IL19: variants seen among roughly 807,000 people sequenced by gnomAD.
The protein encoded by IL19 is interleukin 19.
Under a neutral mutation model 19.5 loss-of-function variants are expected in IL19, and 15 were observed. That is an observed-to-expected ratio of 0.77 (90% CI 0.52 to 1.19). The LOEUF (loss-of-function observed/expected upper bound fraction) is 1.19, where lower values mean the gene tolerates loss of function less well. Among genes scored for constraint, IL19 ranks in the 50% most tolerant of loss-of-function variants. The pLI, the probability that IL19 is intolerant of heterozygous loss-of-function variation, is 0.00. For missense variants in IL19, 199 were observed against 213.1 expected, an observed-to-expected ratio of 0.93 and a Z score of 0.41; for synonymous variants, 78 against 78.3, an observed-to-expected ratio of 1.00 and a Z score of 0.02.
rs567857569 is a variant in IL19, at chr1:206,824,673, C to T, written c.-2-11988C>T. Among the ~76,000 whole-genome samples, 453 of 152,250 alleles carry T rather than the reference C, an allele frequency of 3.0e-3. 1 individual carries two copies. Among genetic ancestry groups the T allele is most frequent in the South Asian group, 5.4e-3 (26 of 4,822 alleles). On this transcript the variant is annotated intron_variant, in intron 2 of 6. Transcript: ENST00000659997. The stretch of plus-strand genomic sequence containing the variant: ...GGAGGAATTATCACCCCCATTTCTC[C>T]GGATGAGGAAACTGAGGCACAGAGA...
At chr1:206,833,703 C>A in intron 2 of IL19, 1 of 985,546 alleles carries the variant, frequency 1.0e-6, no homozygotes, top group Non-Finnish European at 1.2e-6. Flanking sequence ...TTAAACCTCT[C>A]TTCTTTCCAG....
Position 206,836,699 on chromosome 1 carries a change from A to G in IL19, c.37A>G (p.Thr13Ala), listed in dbSNP as rs765338474. Reference sequence around the variant, plus strand: ...GTGTGTTTCCCTTTGGCTCCTGGGTACAATACTGATATTGTGCTCAGTAGA... The same window carrying G: ...GTGTGTTTCCCTTTGGCTCCTGGGTGCAATACTGATATTGTGCTCAGTAGA... ...LQCVSLWLLG[T>A]ILILCSVDNH... Residue 13 changes from threonine to alanine, a missense_variant, in exon 3 of 7, where the codon ACA (threonine) becomes GCA (alanine). By Grantham distance (58) the Thr-to-Ala change is moderately conservative. Coordinates refer to ENST00000659997, the MANE Select transcript of IL19 (RefSeq NM_153758.5). 7 of 1,613,698 alleles carry G rather than the reference A, an allele frequency of 4.3e-6. No individual in the cohort carries two copies.
chr1:206,790,063 T>C (rs1675359131), intron 1 of IL19, among the ~76,000 whole-genome samples: 1 of 152,208 alleles, frequency 6.6e-6, no homozygotes, highest in Non-Finnish European at 1.5e-5. Context: ...AGTAGTGGGA[T>C]TGCAGGATTG....
chr1:206,785,572 G>C (rs192315269), intron 1 of IL19, among the ~76,000 whole-genome samples: 3 of 152,330 alleles, frequency 2.0e-5, no homozygotes, highest in Admixed American at 1.3e-4. Flanking sequence ...CAGAAGGTTA[G>C]CATTTCAATG....
At chr1:206,819,093 G>A (rs898473864) in intron 2 of IL19, among the ~76,000 whole-genome samples, 1 of 151,686 alleles carries the variant, frequency 6.6e-6, no homozygotes, top group African/African-American at 2.4e-5. Context: ...TTACAGGCGT[G>A]AGCCACCACA....
chr1:206,779,843 GCT>G (rs200603022), intron 1 of IL19, among the ~76,000 whole-genome samples: 2 of 147,524 alleles, frequency 1.4e-5, no homozygotes, highest in African/African-American at 2.5e-5. Flanking sequence ...TGATCCGCAT[GCT>G]CTCTCTCTCT....
Position 206,771,215 on chromosome 1 carries a change from C to A in IL19, c.-149+137C>A. 13 of 1,132,538 alleles carry A rather than the reference C, an allele frequency of 1.1e-5. No homozygotes were observed. The South Asian group carries it at 1.6e-4, about 14-fold the overall frequency. 70.2% of individuals were successfully genotyped at this position (1,132,538 alleles called of 1,614,324 possible). The stretch of plus-strand genomic sequence containing the variant: ...GAGCCCTTTGTAAACCCTCTGGCTG[C>A]TGGATGTGCTGAGTTAACATCTTCC... On this transcript the variant is annotated intron_variant, in intron 1 of 6. Transcript: ENST00000659997.
chr1:206,793,620 C>T (rs1021236045), intron 1 of IL19, among the ~76,000 whole-genome samples: 5 of 152,224 alleles, frequency 3.3e-5, no homozygotes, highest in African/African-American at 1.2e-4. Context: ...AACAAAATGG[C>T]ACATCCTCTC....
At chr1:206,790,359 T>C (rs377054791) in intron 1 of IL19, among the ~76,000 whole-genome samples, 58 of 152,232 alleles carry the variant, frequency 3.8e-4, no homozygotes, top group Middle Eastern at 3.4e-3. Flanking sequence ...CTGAGCCCCA[T>C]GGCACGTTCT....
chr1:206,787,331 C>T lies in IL19; in HGVS notation c.-148-11530C>T, dbSNP rs572973755. Among the ~76,000 whole-genome samples the T allele has an allele frequency of 4.6e-5, 7 of 152,198 alleles. No individual in the cohort carries two copies. The South Asian group carries it at 8.3e-4, about 18-fold the overall frequency. On this transcript the variant is annotated intron_variant, in intron 1 of 6. Coordinates refer to ENST00000659997, the MANE Select transcript of IL19 (RefSeq NM_153758.5). ...ACCATCCTTGGCAGTACTTTGTGTA[C>T]CCTGCCTTAGAGTTGTGAGATGTCT...
intron 1 of IL19, among the ~76,000 whole-genome samples, chr1:206,797,164 A>G (rs1675544655): frequency 1.3e-5 from 2 of 152,224 alleles, no homozygotes; most frequent in Admixed American, 6.5e-5. Flanking sequence ...TGCATGGTCA[A>G]GTTAAGTCAC....
chr1:206,806,640 T>C (rs978102371), intron 2 of IL19, among the ~76,000 whole-genome samples: 1 of 152,182 alleles, frequency 6.6e-6, no homozygotes, highest in African/African-American at 2.4e-5. Context: ...AAAAAATGTA[T>C]CACAATAAGG....
At chr1:206,809,501 C>G (rs1034089220) in intron 2 of IL19, among the ~76,000 whole-genome samples, 1 of 152,202 alleles carries the variant, frequency 6.6e-6, no homozygotes, top group African/African-American at 2.4e-5. Context: ...GCCCAGCCCA[C>G]AGTTCTGGTA....
rs185120788 is a variant in IL19 at position 206,776,821 on chromosome 1, G to A, written c.-149+5743G>A. On this transcript the variant is annotated intron_variant, in intron 1 of 6. Transcript: ENST00000659997. ...GGGACAATGATCGGGACATAAACCC[G>A]GGCATCCAAGCCGGCAATGGCTACC... 2.8e-3 allele frequency among the ~76,000 whole-genome samples: 420 copies of A among 149,930 alleles called. 2 individuals are homozygous for A. The highest frequency in any genetic ancestry group is 9.7e-3 in the African/African-American group (393 of 40,524).
At chr1:206,784,584 C>T (rs1675222689) in intron 1 of IL19, among the ~76,000 whole-genome samples, 1 of 152,178 alleles carries the variant, frequency 6.6e-6, no homozygotes, top group Admixed American at 6.5e-5. Context: ...GTCAGGCCTG[C>T]TGAGAGCAGT....
chr1:206,797,800 T>G (rs1435928259), intron 1 of IL19, among the ~76,000 whole-genome samples: 2 of 152,212 alleles, frequency 1.3e-5, no homozygotes, highest in African/African-American at 2.4e-5. Flanking sequence ...GGTGTCGTGG[T>G]TGGCAGGAAG....
intron 2 of IL19, among the ~76,000 whole-genome samples, chr1:206,810,659 A>C (rs1675981735): frequency 6.6e-6 from 1 of 152,228 alleles, no homozygotes; most frequent in African/African-American, 2.4e-5. Flanking sequence ...AGCAGAGGCC[A>C]AATGCTATAA....
intron 2 of IL19, among the ~76,000 whole-genome samples, chr1:206,812,861 G>T (rs925187217): frequency 9.2e-5 from 14 of 151,944 alleles, no homozygotes; most frequent in African/African-American, 3.4e-4. Context: ...TTTTATACAG[G>T]TTTTGTTGGA....
rs375621255 is a variant in IL19 at position 206,771,471 on chromosome 1, C to T, written c.-149+393C>T. ...GAGGTTTGGGGAAATAACTGAAATG[C>T]GGTCTTTTTGATGCCCTTTCATTTA... On this transcript the variant is annotated intron_variant, in intron 1 of 6. Transcript: ENST00000659997. 237 of 1,428,436 alleles carry T rather than the reference C, an allele frequency of 1.7e-4. 1 individual carries two copies. The highest frequency in any genetic ancestry group is 2.1e-4 in the Non-Finnish European group (212 of 1,031,928). The allele number at this position is 1,428,436 out of a possible 1,614,324, so 88.5% of individuals were successfully genotyped here.
Sources: allele counts gnomAD v4.1 joint callset (sites outside exome capture counted in the v4.1 genomes callset), GRCh38; gene constraint gnomAD v4.1.1; transcripts MANE v1.5; gene names NCBI Gene and HGNC (gene_info 2026-07-23, HGNC 2026-07-21).